Variants in DAB1 observed in about 807,000 individuals in gnomAD.
The protein encoded by DAB1 is DAB adaptor protein 1, also known as disabled homolog 1.
DAB1 carries 15 observed loss-of-function variants against 64.6 expected under a neutral mutation model. The ratio of observed to expected loss-of-function variants is 0.23; its 90% CI spans 0.16 to 0.36. DAB1 has a LOEUF of 0.36. DAB1 is among the 10% of genes least tolerant of loss of function. The pLI, the probability that DAB1 is intolerant of heterozygous loss-of-function variation, is 1.00. For missense variants in DAB1, 596 were observed against 706.7 expected (o/e 0.84, Z 1.78); for synonymous variants, 235 against 251.9 (o/e 0.93, Z 0.64).
intron 1 of DAB1, among the ~76,000 whole-genome samples, chr1:57,309,939 GTTCTGCCACAAA>G (rs1674528398): frequency 6.6e-6 from 1 of 152,058 alleles, no homozygotes; most frequent in Admixed American, 6.5e-5. Context: ...GCAGTTTAGT[GTTCTGCCACAAA>G]CATCATCAGG....
chr1:58,414,412 T>C (rs750026427), intron 3 of DAB1, among the ~76,000 whole-genome samples: 2 of 152,254 alleles, frequency 1.3e-5, no homozygotes, highest in Non-Finnish European at 2.9e-5. Context: ...CACTGTGCTG[T>C]AATTGCCTGT....
intron 6 of DAB1, among the ~76,000 whole-genome samples, chr1:57,745,698 A>G (rs1435247293): frequency 6.6e-6 from 1 of 152,242 alleles, no homozygotes; most frequent in Non-Finnish European, 1.5e-5. Flanking sequence ...ATCAACTGCC[A>G]GTAAGTGATA....
intron 7 of DAB1, among the ~76,000 whole-genome samples, chr1:57,606,666 A>ATATTATG (rs1558535830): frequency 5.3e-4 from 58 of 109,038 alleles, no homozygotes; most frequent in African/African-American, 2.2e-3. Context: ...TATGAAATAT[A>ATATTATG]TATGAAATAT....
rs114675916 is a variant in DAB1 at position 58,022,445 on chromosome 1, A to G, written n.387+128066T>C. 2.0e-3 allele frequency among the ~76,000 whole-genome samples: 309 copies of G among 152,296 alleles called. 3 individuals are homozygous for G. Among genetic ancestry groups the G allele is most frequent in the Middle Eastern group, 3.4e-3 (1 of 294 alleles). Reference sequence around the variant, plus strand: ...GTTGCATCTTGCTTTGGCAGAGTAGACCTGAGTTTGAGTACAGATTTGCCT... The same window carrying G: ...GTTGCATCTTGCTTTGGCAGAGTAGGCCTGAGTTTGAGTACAGATTTGCCT... On this transcript the variant is annotated intron_variant and non_coding_transcript_variant, in intron 5 of 20. Transcript: ENST00000485760.
chr1:58,244,964 T>G (rs956562936), intron 4 of DAB1, among the ~76,000 whole-genome samples: 1 of 152,176 alleles, frequency 6.6e-6, no homozygotes, highest in African/African-American at 2.4e-5. Context: ...ACTGCCTCAC[T>G]GACAAATTAT....
chr1:58,044,535 A>G (rs866677174), intron 5 of DAB1, among the ~76,000 whole-genome samples: 5 of 152,138 alleles, frequency 3.3e-5, no homozygotes, highest in Admixed American at 1.3e-4. Flanking sequence ...GTTATATTAG[A>G]CAAAGAGAAA....
chr1:57,529,830 T>C (rs1450579466), intron 7 of DAB1, among the ~76,000 whole-genome samples: 1 of 152,168 alleles, frequency 6.6e-6, no homozygotes, highest in Non-Finnish European at 1.5e-5. Context: ...GTTTTTTAGC[T>C]GAGAGAGAAA....
intron 2 of DAB1, among the ~76,000 whole-genome samples, chr1:57,276,303 A>G (rs1671457591): frequency 6.6e-6 from 1 of 152,250 alleles, no homozygotes; most frequent in African/African-American, 2.4e-5. Context: ...GGCAAATTAC[A>G]CAAAATCTAT....
chr1:58,020,453 A>G (rs936287499), intron 5 of DAB1, among the ~76,000 whole-genome samples: 3 of 152,242 alleles, frequency 2.0e-5, no homozygotes, highest in African/African-American at 7.2e-5. Context: ...ATACTTCACA[A>G]GAAACTTTGT....
chr1:57,413,774 C>T (rs537960247), intron 1 of DAB1, among the ~76,000 whole-genome samples: 243 of 143,148 alleles, frequency 1.7e-3, no homozygotes, highest in African/African-American at 6.0e-3. Flanking sequence ...AAAAATTCAT[C>T]ATTCTAGATG....
At chr1:57,934,404 TAG>T (rs1262090773) in intron 5 of DAB1, among the ~76,000 whole-genome samples, 2 of 152,186 alleles carry the variant, frequency 1.3e-5, no homozygotes, top group Non-Finnish European at 2.9e-5. Context: ...TGTGCTAAAT[TAG>T]AGAGTTAGAA....
intron 1 of DAB1, chr1:57,866,234 C>T (rs910851350): frequency 7.9e-5 from 12 of 152,262 alleles, no homozygotes; most frequent in Admixed American, 3.3e-4. Context: ...TGCCAAAAAC[C>T]ACAATTACTT....
At chr1:58,487,187 T>C (rs1645590734) in intron 3 of DAB1, among the ~76,000 whole-genome samples, 1 of 152,200 alleles carries the variant, frequency 6.6e-6, no homozygotes, top group Non-Finnish European at 1.5e-5. Flanking sequence ...AGTGGCGAAG[T>C]TGAGAAGCCC....
At chr1:58,057,646 C>T (rs1259006740) in intron 5 of DAB1, among the ~76,000 whole-genome samples, 1 of 152,168 alleles carries the variant, frequency 6.6e-6, no homozygotes, top group East Asian at 1.9e-4. Context: ...AAGGATTCTT[C>T]CCTAGAATCT....
intron 14 of DAB1, among the ~76,000 whole-genome samples, chr1:56,999,624 A>G (rs1231544432): frequency 6.6e-6 from 1 of 152,028 alleles, no homozygotes; most frequent in Non-Finnish European, 1.5e-5. Flanking sequence ...CTTGCTTTCT[A>G]CTGTAAAGTG....
Position 57,063,002 on chromosome 1 carries a change from C to G in DAB1, c.664-59G>C, listed in dbSNP as rs1023860666. The G allele has an allele frequency of 7.4e-6, 11 of 1,494,216 alleles. No individual in the cohort carries two copies. In the African/African-American group the frequency reaches 1.5e-4, roughly 21 times the overall value. 92.6% of individuals were successfully genotyped at this position (1,494,216 alleles called of 1,614,324 possible). A position where few individuals can be genotyped will look rare whatever the true frequency, so the allele number is the denominator to read the frequency against. On this transcript the variant is annotated intron_variant, in intron 8 of 14. Coordinates refer to ENST00000371236, the MANE Select transcript of DAB1 (RefSeq NM_001365792.1). ...ACTCTGGTACTCCAATTTCAAAGAACAAAGCAACCAGACTTCAACTGCAAG... is the reference window on the plus strand; with the variant it reads ...ACTCTGGTACTCCAATTTCAAAGAAGAAAGCAACCAGACTTCAACTGCAAG...
At chr1:57,843,254 T>G (rs867469679) in intron 1 of DAB1, among the ~76,000 whole-genome samples, 9 of 152,336 alleles carry the variant, frequency 5.9e-5, no homozygotes, top group African/African-American at 2.2e-4. Context: ...GTTTTTTCTT[T>G]TGTCTACCCT....
At chr1:57,993,475 T>C (rs1371746893) in intron 5 of DAB1, among the ~76,000 whole-genome samples, 1 of 152,170 alleles carries the variant, frequency 6.6e-6, no homozygotes, top group Non-Finnish European at 1.5e-5. Context: ...TTCATTTCTG[T>C]AGCTGTTGAT....
At chr1:58,461,826 T>A (rs630638) in intron 3 of DAB1, among the ~76,000 whole-genome samples, 132,746 of 152,212 alleles carry the variant, frequency 0.87, 58,612 homozygotes, top group African/African-American at 0.95. Context: ...GTCTCAGAAC[T>A]AATAGAACTT....
Sources: gnomAD v4.1 joint callset for allele counts (sites outside exome capture counted in the v4.1 genomes callset) on GRCh38, gnomAD v4.1.1 for gene constraint, MANE v1.5 for transcripts, NCBI Gene and HGNC (gene_info 2026-07-23, HGNC 2026-07-21) for gene names.